CDK13: variants seen among roughly 807,000 people sequenced by gnomAD.
The protein encoded by CDK13 is cyclin-dependent kinase 13.
CDK13 carries 40 observed loss-of-function variants against 137.6 expected under a neutral mutation model. The observed-to-expected ratio is 0.29, with a 90% CI of 0.23 to 0.38. CDK13 has a LOEUF of 0.38. Ranked by LOEUF, CDK13 falls within the 10% of genes least tolerant of loss-of-function variation. The pLI is 1.00. For synonymous variants in CDK13, 869 were observed against 760.1 expected (o/e 1.14, Z -2.36); for missense variants, 1,704 against 1,951.8 (o/e 0.87, Z 2.39).
At chr7:39,990,419 C>T (rs1784433754) in intron 2 of CDK13, among the ~76,000 whole-genome samples, 1 of 152,000 alleles carries the variant, frequency 6.6e-6, no homozygotes, top group South Asian at 2.1e-4. Context: ...ATTTTGATGT[C>T]TATAATTTAC....
Position 40,010,678 on chromosome 7 carries a change from T to C in CDK13, c.2353+8647T>C, listed in dbSNP as rs141576244. ...GCCTGGGTGACAGAGGGAGACTCCATCTCAAAACAAAACAAAAAACAGTTG... is the reference window on the plus strand; with the variant it reads ...GCCTGGGTGACAGAGGGAGACTCCACCTCAAAACAAAACAAAAAACAGTTG... On this transcript the variant is annotated intron_variant, in intron 5 of 13. Coordinates refer to ENST00000181839, the MANE Select transcript of CDK13 (RefSeq NM_003718.5). Among the ~76,000 whole-genome samples the C allele has an allele frequency of 3.9e-4, 60 of 152,206 alleles. No homozygotes were observed. In the East Asian group the frequency reaches 8.9e-3, roughly 23 times the overall value.
chr7:40,028,240 G>A (rs1399425998), intron 5 of CDK13, among the ~76,000 whole-genome samples: 3 of 131,602 alleles, frequency 2.3e-5, no homozygotes, highest in African/African-American at 9.8e-5. Flanking sequence ...TTTTTTTTGA[G>A]ATGGAGTCTC....
In CDK13 at chr7:40,093,189, G is replaced by A; in HGVS notation, c.3640G>A (p.Ala1214Thr). 2 of 1,614,016 alleles carry A rather than the reference G, an allele frequency of 1.2e-6. No homozygotes were observed. The highest frequency in any genetic ancestry group is 1.7e-6 in the Non-Finnish European group (2 of 1,180,036). Residue 1214 changes from alanine (A) to threonine (T), a missense_variant, in exon 13 of 14, where the codon GCG becomes ACG. Around this residue, in one of 5 missense-constraint regions of CDK13, gnomAD observed 475 missense variants for 579.3 expected, o/e 0.82. Transcript: ENST00000181839. ...EERENGSGHE[A>T]SLQLRPPPEP... ...GAGGGAAAATGGATCGGGACATGAA[G>A]CGTCATTACAACTCAGGCCACCTCC...
chr7:39,990,589 GGA>G (rs1225206456), intron 2 of CDK13, among the ~76,000 whole-genome samples: 1 of 152,202 alleles, frequency 6.6e-6, no homozygotes, highest in African/African-American at 2.4e-5. Flanking sequence ...GGATGGCACA[GGA>G]GACTTATTTT....
At chr7:39,968,577 G>A (rs1317579733) in intron 1 of CDK13, among the ~76,000 whole-genome samples, 3 of 152,174 alleles carry the variant, frequency 2.0e-5, no homozygotes, top group East Asian at 1.9e-4. Context: ...TTTTCTTACT[G>A]TATGCTCTTG....
intron 2 of CDK13, among the ~76,000 whole-genome samples, chr7:39,990,395 A>G (rs536108479): frequency 6.6e-5 from 10 of 152,302 alleles, no homozygotes; most frequent in East Asian, 1.9e-4. Context: ...CTCATCACCA[A>G]TGGAACTTTC....
At chr7:40,049,697 A>G (rs908589003) in intron 7 of CDK13, among the ~76,000 whole-genome samples, 2 of 152,096 alleles carry the variant, frequency 1.3e-5, no homozygotes, top group Non-Finnish European at 2.9e-5. Context: ...ACTTTTGTCT[A>G]ACTGAACTTT....
intron 5 of CDK13, among the ~76,000 whole-genome samples, chr7:40,019,359 TTAAG>T (rs1785066586): frequency 1.3e-5 from 2 of 152,218 alleles, no homozygotes; most frequent in Non-Finnish European, 1.5e-5. Context: ...GTTTATTCCT[TTAAG>T]AAAGAACCAA....
chr7:39,979,679 A>G (rs1030090304), intron 1 of CDK13, among the ~76,000 whole-genome samples: 1 of 152,106 alleles, frequency 6.6e-6, no homozygotes, highest in African/African-American at 2.4e-5. Context: ...AATCTTTTCA[A>G]TCTCTGACTG....
At chr7:40,038,792 T>C (rs749947989) in intron 5 of CDK13, among the ~76,000 whole-genome samples, 5 of 152,056 alleles carry the variant, frequency 3.3e-5, no homozygotes, top group Non-Finnish European at 7.4e-5. Flanking sequence ...GCCTCCTGGG[T>C]TCAAGCGATT....
chr7:40,072,725 T>A (rs1786450145), intron 9 of CDK13: 1 of 152,230 alleles, frequency 6.6e-6, no homozygotes, highest in South Asian at 2.1e-4. Context: ...CGAATACTGA[T>A]GTACAACATC....
chr7:39,997,715 G>A, intron 3 of CDK13, 51 bp downstream of exon 3: 1 of 1,355,428 alleles, frequency 7.4e-7, no homozygotes, highest in South Asian at 1.2e-5. Context: ...GTGATTCTGG[G>A]TCATCAGAAG....
chr7:40,000,609 C>T (rs1356792648), intron 4 of CDK13, among the ~76,000 whole-genome samples: 9 of 152,108 alleles, frequency 5.9e-5, no homozygotes, highest in Admixed American at 5.9e-4. Context: ...GGGAGATGAC[C>T]TTACGGTTAG....
At chr7:40,011,736 T>G (rs748821919) in intron 5 of CDK13, among the ~76,000 whole-genome samples, 3 of 152,150 alleles carry the variant, frequency 2.0e-5, no homozygotes, top group Non-Finnish European at 4.4e-5. Flanking sequence ...AGATGCTTAT[T>G]AGATATGACA....
chr7:39,997,899 T>C (rs1301219151), intron 3 of CDK13: 1 of 414,246 alleles, frequency 2.4e-6, no homozygotes, highest in Non-Finnish European at 4.3e-6. Flanking sequence ...ATTAATTTCC[T>C]GGGGTATTGT....
In CDK13 at chr7:40,094,589, C is replaced by T; in HGVS notation, c.4148C>T (p.Ala1383Val). ...CAGTCTTTGGATAACTACAGTACTG[C>T]TTCATCTCATTCTGGTGGTCCACCT... ...DIQSLDNYST[A>V]SSHSGGPPQP... is the part of the protein sequence containing the mutation. Residue 1383 changes from alanine (A) to valine (V), a missense_variant, in exon 14 of 14, where the codon GCT (alanine) becomes GTT (valine). Transcript: ENST00000181839. The T allele has an allele frequency of 1.2e-6, 2 of 1,613,336 alleles. No homozygotes were observed. Among genetic ancestry groups the T allele is most frequent in the Non-Finnish European group, 1.7e-6 (2 of 1,179,632 alleles).
chr7:39,964,312 A>G (rs1265658817), intron 1 of CDK13, among the ~76,000 whole-genome samples: 1 of 152,186 alleles, frequency 6.6e-6, no homozygotes. Flanking sequence ...TTATTGGTCT[A>G]TTCAGATATT....
chr7:40,037,848 A>G (rs1482928473), intron 5 of CDK13, among the ~76,000 whole-genome samples: 2 of 152,210 alleles, frequency 1.3e-5, no homozygotes, highest in Non-Finnish European at 2.9e-5. Flanking sequence ...ATGCAGTTTA[A>G]GATTTCTTAG....
At chr7:40,089,543 T>C (rs1021302602) in intron 12 of CDK13, among the ~76,000 whole-genome samples, 2 of 152,152 alleles carry the variant, frequency 1.3e-5, no homozygotes, top group African/African-American at 4.8e-5. Flanking sequence ...ATGCAAAGTC[T>C]GCCTCTTCAA....
Sources: gnomAD v4.1 joint callset for allele counts (sites outside exome capture counted in the v4.1 genomes callset) on GRCh38, gnomAD v4.1.1 for gene constraint, gnomAD v4.1.1 regional missense constraint, MANE v1.5 for transcripts, NCBI Gene and HGNC (gene_info 2026-07-23, HGNC 2026-07-21) for gene names.